The following PLPPR1 variants were observed in gnomAD, a reference collection of about 807,000 sequenced individuals.
PLPPR1 encodes the protein phospholipid phosphatase-related protein type 1.
Under a neutral mutation model 33.1 loss-of-function variants are expected in PLPPR1, and 10 were observed. That is an observed-to-expected ratio of 0.30 (90% CI 0.19 to 0.51). PLPPR1 has a LOEUF of 0.51. PLPPR1 is among the 20% of genes least tolerant of loss of function. PLPPR1 has a pLI of 0.97. For missense variants in PLPPR1, 304 were observed against 408.1 expected (o/e 0.74, Z 2.20); for synonymous variants, 151 against 151.0 (o/e 1.00, Z 0.00).
intron 2 of PLPPR1, among the ~76,000 whole-genome samples, chr9:101,197,931 A>T (rs1826427663): frequency 6.6e-6 from 1 of 152,132 alleles, no homozygotes; most frequent in East Asian, 1.9e-4. Context: ...TCTAATACCC[A>T]ATTGTTTTTA....
chr9:101,121,540 ATATTTAATAC>A (rs1831178464), intron 1 of PLPPR1, among the ~76,000 whole-genome samples: 1 of 152,208 alleles, frequency 6.6e-6, no homozygotes, highest in South Asian at 2.1e-4. Context: ...GTTGCAAATA[ATATTTAATAC>A]AGTAATACAT....
intron 1 of PLPPR1, among the ~76,000 whole-genome samples, chr9:101,155,521 C>A (rs1282744351): frequency 2.0e-5 from 3 of 152,142 alleles, no homozygotes; most frequent in Non-Finnish European, 4.4e-5. Context: ...AAGGGCAGAG[C>A]CCCCATGACC....
At chr9:101,316,510 C>G (rs1431300063) in intron 6 of PLPPR1, among the ~76,000 whole-genome samples, 2 of 150,894 alleles carry the variant, frequency 1.3e-5, no homozygotes, top group Non-Finnish European at 2.9e-5. Flanking sequence ...GGATGCATGC[C>G]AATGTGCTAC....
chr9:101,178,192 A>G (rs565545049), intron 1 of PLPPR1, among the ~76,000 whole-genome samples: 20 of 152,178 alleles, frequency 1.3e-4, no homozygotes, highest in East Asian at 5.8e-4. Context: ...TCATTGCCCA[A>G]TGGGCCCATG....
intron 4 of PLPPR1, among the ~76,000 whole-genome samples, chr9:101,296,949 TAATAA>T (rs1828656522): frequency 1.3e-5 from 2 of 151,976 alleles, no homozygotes; most frequent in South Asian, 2.1e-4. Flanking sequence ...AGTATAATAA[TAATAA>T]AATAAAATTT....
intron 1 of PLPPR1, among the ~76,000 whole-genome samples, chr9:101,131,113 C>T (rs971771958): frequency 6.6e-6 from 1 of 152,110 alleles, no homozygotes; most frequent in Non-Finnish European, 1.5e-5. Context: ...AGGCCAATTG[C>T]ATAGTTAATA....
intron 1 of PLPPR1, among the ~76,000 whole-genome samples, chr9:101,122,474 AT>A (rs1175039538): frequency 1.3e-5 from 2 of 152,102 alleles, no homozygotes; most frequent in East Asian, 1.9e-4. Context: ...ATAAAGCTTA[AT>A]TTTTTTTCTT....
chr9:101,290,152 T>C (rs1828468871), intron 4 of PLPPR1, among the ~76,000 whole-genome samples: 1 of 152,206 alleles, frequency 6.6e-6, no homozygotes, highest in African/African-American at 2.4e-5. Flanking sequence ...ATGTTTTCTT[T>C]GGAAAAAATT....
intron 1 of PLPPR1, among the ~76,000 whole-genome samples, chr9:101,117,659 A>T (rs1435257030): frequency 1.2e-5 from 1 of 81,462 alleles, no homozygotes; most frequent in Non-Finnish European, 2.6e-5. Context: ...GCTTTCACTT[A>T]AAAAAAAAAA....
At chr9:101,041,659 C>T (rs1053505693) in intron 1 of PLPPR1, among the ~76,000 whole-genome samples, 4 of 152,048 alleles carry the variant, frequency 2.6e-5, no homozygotes, top group African/African-American at 9.7e-5. Context: ...CCAGAGGCAG[C>T]TCTGTGGAGG....
chr9:101,060,457 CAT>C (rs1259449147), intron 1 of PLPPR1, among the ~76,000 whole-genome samples: 11 of 151,864 alleles, frequency 7.2e-5, no homozygotes, highest in Admixed American at 7.2e-4. Context: ...AAGTAAATTT[CAT>C]ATGTTTTCAC....
chr9:101,077,624 C>A (rs1281038293), intron 1 of PLPPR1, among the ~76,000 whole-genome samples: 1 of 152,124 alleles, frequency 6.6e-6, no homozygotes, highest in African/African-American at 2.4e-5. Context: ...AGGAAGCTGA[C>A]TGGACAGAGG....
chr9:101,283,361 G>A (rs539243692), intron 3 of PLPPR1, among the ~76,000 whole-genome samples: 3 of 152,182 alleles, frequency 2.0e-5, no homozygotes, highest in South Asian at 2.1e-4. Context: ...AAATCCACAC[G>A]TTTATAGCCA....
At chr9:101,047,581 G>A (rs771448088) in intron 1 of PLPPR1, among the ~76,000 whole-genome samples, 7 of 152,086 alleles carry the variant, frequency 4.6e-5, no homozygotes, top group East Asian at 1.9e-4. Context: ...AGTCTCCATC[G>A]TAACCTTACA....
chr9:101,182,839 A>C (rs1826138735), intron 1 of PLPPR1, among the ~76,000 whole-genome samples: 1 of 151,832 alleles, frequency 6.6e-6, no homozygotes, highest in East Asian at 1.9e-4. Context: ...AGGTATTTGA[A>C]TAGACACTTC....
At chr9:101,197,794 A>G (rs1034393677) in intron 2 of PLPPR1, among the ~76,000 whole-genome samples, 13 of 152,258 alleles carry the variant, frequency 8.5e-5, no homozygotes, top group African/African-American at 3.1e-4. Flanking sequence ...AGTATGAAAT[A>G]CAGAATTCTT....
chr9:101,276,092 A>G (rs989413723), intron 3 of PLPPR1, among the ~76,000 whole-genome samples: 3 of 152,158 alleles, frequency 2.0e-5, no homozygotes, highest in African/African-American at 7.2e-5. Context: ...GAAGCAAAGG[A>G]GACATTGTAG....
chr9:101,316,933 C>T (rs1038431451), intron 6 of PLPPR1, among the ~76,000 whole-genome samples: 4 of 152,218 alleles, frequency 2.6e-5, no homozygotes, highest in Admixed American at 2.0e-4. Context: ...TAGATAACTT[C>T]CCTGTGCCCC....
intron 1 of PLPPR1, among the ~76,000 whole-genome samples, chr9:101,115,448 T>G (rs1184151981): frequency 3.9e-5 from 6 of 152,234 alleles, no homozygotes; most frequent in Non-Finnish European, 8.8e-5. Context: ...ACAGATGTAG[T>G]CTTATCATAC....
Sources: allele counts gnomAD v4.1 joint callset (sites outside exome capture counted in the v4.1 genomes callset), GRCh38; gene constraint gnomAD v4.1.1; transcripts MANE v1.5; gene names NCBI Gene and HGNC (gene_info 2026-07-23, HGNC 2026-07-21).